Variants in FBXO10 observed in about 807,000 individuals in gnomAD.
FBXO10 encodes F-box protein 10, also known as F-box only protein 10.
FBXO10 carries 39 observed loss-of-function variants against 80.7 expected under a neutral mutation model. The ratio of observed to expected loss-of-function variants is 0.48; its 90% CI spans 0.37 to 0.63. The LOEUF (loss-of-function observed/expected upper bound fraction) is 0.63. Ranked by LOEUF, FBXO10 falls within the 30% of genes least tolerant of loss-of-function variation. FBXO10 has a pLI of 0.00. For missense variants in FBXO10, 1,025 were observed against 1,269.0 expected, an observed-to-expected ratio of 0.81 and a Z score of 2.92; for synonymous variants, 449 against 489.6, an observed-to-expected ratio of 0.92 and a Z score of 1.09.
chr9:37,536,428 C>A (rs978054957), intron 3 of FBXO10, among the ~76,000 whole-genome samples: 3 of 152,088 alleles, frequency 2.0e-5, no homozygotes, highest in Non-Finnish European at 2.9e-5. Flanking sequence ...CTGTGGTGCC[C>A]TAAGTCCCAG....
Position 37,571,714 on chromosome 9 carries a change from CATATATATATATATATATAT to C in FBXO10, c.-7+4477_-7+4496del, listed in dbSNP as rs71494672. 8.6e-4 allele frequency among the ~76,000 whole-genome samples: 80 copies of C among 93,150 alleles called. 1 individual carries two copies. Among genetic ancestry groups the C allele is most frequent in the Admixed American group, 3.0e-3 (26 of 8,772 alleles). 61.1% of individuals were successfully genotyped at this position (93,150 alleles called of 152,430 possible). A position where few individuals can be genotyped will look rare whatever the true frequency, so the allele number is the denominator to read the frequency against. The stretch of plus-strand genomic sequence containing the variant: ...CCATTTAAGAGGGTGAAAAGAGAGC[CATATATATATATATATATAT>C]ATATATATATATATTTCCTTATTGA... On this transcript the variant is annotated intron_variant, in intron 1 of 10. Transcript: ENST00000432825.
At position 37,554,536 on chromosome 9, in the gene FBXO10, G is replaced by A. The variant is rs1351774129; in HGVS notation, c.-6-12762C>T. On this transcript the variant is annotated intron_variant, in intron 1 of 10. Transcript: ENST00000432825. ...ACCAAGAAATGGAATACTCCAGAAA[G>A]TTCTCTCATGACTCTTCCATCAAGT... Among the ~76,000 whole-genome samples, 3 of 152,232 alleles carry A rather than the reference G, an allele frequency of 2.0e-5. No homozygotes were observed. The East Asian group carries it at 5.8e-4, about 29-fold the overall frequency.
intron 5 of FBXO10, among the ~76,000 whole-genome samples, chr9:37,528,433 G>T (rs1821528986): frequency 6.6e-6 from 1 of 152,128 alleles, no homozygotes; most frequent in Admixed American, 6.5e-5. Flanking sequence ...AATCTGCTGT[G>T]CCCTGCTGCC....
chr9:37,551,646 C>A (rs533655998), intron 1 of FBXO10, among the ~76,000 whole-genome samples: 2 of 152,006 alleles, frequency 1.3e-5, no homozygotes, highest in African/African-American at 2.4e-5. Flanking sequence ...CCGGGCCTGG[C>A]CCTTTAAGCT....
chr9:37,571,891 TG>T (rs1249997553), intron 1 of FBXO10, among the ~76,000 whole-genome samples: 1 of 151,184 alleles, frequency 6.6e-6, no homozygotes, highest in African/African-American at 2.4e-5. Flanking sequence ...TCCCAGCACT[TG>T]GGGAGGCTGA....
intron 3 of FBXO10, among the ~76,000 whole-genome samples, chr9:37,534,795 C>T (rs1035987775): frequency 1.3e-5 from 2 of 152,080 alleles, no homozygotes; most frequent in African/African-American, 2.4e-5. Flanking sequence ...CAAAACAAAC[C>T]GTATGCACAG....
chr9:37,537,165 T>TAAG lies in FBXO10; in HGVS notation c.1363_1364insCTT (p.Glu455delinsAlaTer), dbSNP rs773004531. 3.1e-6 allele frequency: 5 copies of TAAG among 1,613,932 alleles called. No homozygotes were observed. In the South Asian group the frequency reaches 5.5e-5, roughly 18 times the overall value. On this transcript the variant is annotated stop_gained and protein_altering_variant, in exon 3 of 11. Coordinates refer to ENST00000432825, the MANE Select transcript of FBXO10 (RefSeq NM_012166.3). LOFTEE classifies it high-confidence loss of function. The stretch of plus-strand genomic sequence containing the variant: ...AGTCAGGTTCCGGAAGATGTTTCCT[T>TAAG]CCATCTTGGCTCTGCCGTGGGAGCA...
rs1821050596 is a variant in FBXO10, at chr9:37,511,425, G to A, written c.*1122C>T. 1 of 153,022 alleles carries A rather than the reference G, an allele frequency of 6.5e-6. No individual in the cohort carries two copies. Among genetic ancestry groups the A allele is most frequent in the Non-Finnish European group, 1.5e-5 (1 of 68,496 alleles). 9.5% of individuals were successfully genotyped at this position (153,022 alleles called of 1,614,324 possible). On this transcript the variant is annotated 3_prime_UTR_variant, in exon 11 of 11. Transcript: ENST00000432825. Reference sequence around the variant, plus strand: ...CCCAGGCTGGATCTGGGGACACACAGTCAGAAGTGGCCCTACCTACGGGGA... The same window carrying A: ...CCCAGGCTGGATCTGGGGACACACAATCAGAAGTGGCCCTACCTACGGGGA...
chr9:37,532,294 C>CT (rs869146793), intron 3 of FBXO10, among the ~76,000 whole-genome samples: 2,057 of 102,330 alleles, frequency 0.02, 27 homozygotes, highest in Middle Eastern at 0.041. Context: ...CACATTGGTT[C>CT]TTTTTTTTTT....
chr9:37,546,177 G>A (rs959341126), intron 1 of FBXO10, among the ~76,000 whole-genome samples: 1 of 151,902 alleles, frequency 6.6e-6, no homozygotes, highest in Non-Finnish European at 1.5e-5. Flanking sequence ...TGAAAGAAAG[G>A]AAACATAGGA....
chr9:37,521,870 C>A (rs774775296), intron 7 of FBXO10, 32 bp from the exon 8 acceptor site: 1 of 1,536,150 alleles, frequency 6.5e-7, no homozygotes. Flanking sequence ...GTCACCGACA[C>A]TGAACTCAGG....
chr9:37,545,359 A>G (rs1200268647), intron 1 of FBXO10, among the ~76,000 whole-genome samples: 4 of 151,872 alleles, frequency 2.6e-5, no homozygotes, highest in Non-Finnish European at 5.9e-5. Flanking sequence ...TTGTATTTTT[A>G]GTAGAGACGG....
intron 1 of FBXO10, among the ~76,000 whole-genome samples, chr9:37,573,592 A>T (rs1455982846): frequency 6.6e-6 from 1 of 152,208 alleles, no homozygotes; most frequent in African/African-American, 2.4e-5. Flanking sequence ...TCTCCTCTGG[A>T]GAGTGACAGT....
At position 37,522,846 on chromosome 9, in the gene FBXO10, T is replaced by C. The variant is rs1379011256; in HGVS notation, c.1909A>G (p.Ile637Val). ...VVVGDEGKGL[I>V]EGNTIYANKG... The stretch of plus-strand genomic sequence containing the variant: ...TCACCGTAGATGGTATTTCCTTCTA[T>C]GAGGCCTTTGCCTTCGTCTCCCACA... The change falls in exon 7 of 11, where the codon ATA (isoleucine) becomes GTA (valine). Residue 637 changes from isoleucine to valine, a missense_variant. Ile to Val is a conservative substitution (Grantham distance 29). Transcript: ENST00000432825. The C allele has an allele frequency of 5.8e-6, 9 of 1,552,524 alleles. No homozygotes were observed. The East Asian group carries it at 1.5e-4, about 25-fold the overall frequency.
chr9:37,562,598 T>C (rs899455364), intron 1 of FBXO10, among the ~76,000 whole-genome samples: 7 of 152,244 alleles, frequency 4.6e-5, no homozygotes, highest in African/African-American at 1.4e-4. Context: ...CTTTGCACTA[T>C]GCCCAGAACT....
intron 2 of FBXO10, among the ~76,000 whole-genome samples, chr9:37,539,059 T>C (rs1030353781): frequency 6.6e-6 from 1 of 152,234 alleles, no homozygotes; most frequent in African/African-American, 2.4e-5. Flanking sequence ...TTCTGGATTT[T>C]ATACATATTT....
In FBXO10 at chr9:37,512,484, G is replaced by T; in HGVS notation, c.*63C>A. 2 of 1,552,614 alleles carry T rather than the reference G, an allele frequency of 1.3e-6. No homozygotes were observed. Among genetic ancestry groups the T allele is most frequent in the Non-Finnish European group, 1.7e-6 (2 of 1,142,978 alleles). Reference sequence around the variant, plus strand: ...GGGAGGGGCGGAGTCTTTTCAGGCAGTATTTCCACCTTAGCTCCTCTGAGC... The same window carrying T: ...GGGAGGGGCGGAGTCTTTTCAGGCATTATTTCCACCTTAGCTCCTCTGAGC... On this transcript the variant is annotated 3_prime_UTR_variant, in exon 11 of 11. Coordinates refer to ENST00000432825, the MANE Select transcript of FBXO10 (RefSeq NM_012166.3).
chr9:37,570,295 CAA>C (rs1822717783), intron 1 of FBXO10, among the ~76,000 whole-genome samples: 1 of 150,398 alleles, frequency 6.6e-6, no homozygotes, highest in Non-Finnish European at 1.5e-5. Flanking sequence ...GCCTGGGCAA[CAA>C]GAGTGAAAGT....
chr9:37,537,082 CCT>C (rs1199706374), intron 3 of FBXO10, 26 bp downstream of exon 3: 40 of 1,555,182 alleles, frequency 2.6e-5, no homozygotes, highest in Non-Finnish European at 3.5e-5. Flanking sequence ...ACAGGAGCCC[CCT>C]GACCAATCTA....
Sources: allele counts gnomAD v4.1 joint callset (sites outside exome capture counted in the v4.1 genomes callset), GRCh38; gene constraint gnomAD v4.1.1; transcripts MANE v1.5; gene names NCBI Gene and HGNC (gene_info 2026-07-23, HGNC 2026-07-21).